EHD2: variants seen among roughly 807,000 people sequenced by gnomAD.
EHD2 encodes the protein EH domain containing 2.
In EHD2, 27 loss-of-function variants were observed where a neutral mutation model predicts 41.0. The observed-to-expected ratio is 0.66, with a 90% CI of 0.49 to 0.91. The LOEUF is 0.91. Ranked by LOEUF, EHD2 falls within the 40% of genes least tolerant of loss-of-function variation. The pLI is 0.00. For synonymous variants in EHD2, 342 were observed against 341.0 expected (o/e 1.00, Z -0.03); for missense variants, 673 against 773.9 (o/e 0.87, Z 1.55).
intron 4 of EHD2, among the ~76,000 whole-genome samples, chr19:47,727,220 T>C (rs1973762217): frequency 6.6e-6 from 1 of 152,144 alleles, no homozygotes; most frequent in South Asian, 2.1e-4. Flanking sequence ...TTCTCCTGCC[T>C]CAGCCTCCCG....
At chr19:47,725,767 C>A in intron 3 of EHD2, 45 bp from the exon 4 acceptor site, 1 of 1,539,564 alleles carries the variant, frequency 6.5e-7, no homozygotes, top group South Asian at 1.2e-5. Flanking sequence ...GGGTGGGGGT[C>A]TGATTTCTGC....
chr19:47,725,507 T>G (rs911586642), intron 3 of EHD2, among the ~76,000 whole-genome samples: 4 of 150,900 alleles, frequency 2.7e-5, no homozygotes, highest in African/African-American at 9.8e-5. Context: ...GAAGCAGAGG[T>G]TGCAGGGAGG....
rs528323508 is a variant in EHD2, at chr19:47,722,352, G to A, written c.503-3460G>A. 2.0e-5 allele frequency among the ~76,000 whole-genome samples: 3 copies of A among 152,186 alleles called. No individual in the cohort carries two copies. The East Asian group carries it at 5.8e-4, about 29-fold the overall frequency. On this transcript the variant is annotated intron_variant, in intron 3 of 5. Transcript: ENST00000263277. Reference sequence around the variant, plus strand: ...GTGGAGACACCGGGAGGGAGGGGGGGCTCCAGTTGCTGTCCCTCCAGTGAC... The same window carrying A: ...GTGGAGACACCGGGAGGGAGGGGGGACTCCAGTTGCTGTCCCTCCAGTGAC...
At chr19:47,718,010 C>T (rs1006535901) in intron 2 of EHD2, among the ~76,000 whole-genome samples, 3 of 150,980 alleles carry the variant, frequency 2.0e-5, no homozygotes, top group African/African-American at 4.9e-5. Context: ...CAGTGTCTCA[C>T]GCCTGTAATC....
chr19:47,727,526 G>A lies in EHD2; in HGVS notation c.915+1302G>A, dbSNP rs547657989. 4.6e-5 allele frequency among the ~76,000 whole-genome samples: 7 copies of A among 151,960 alleles called. No homozygotes were observed. In the East Asian group the frequency reaches 1.2e-3, roughly 25 times the overall value. On this transcript the variant is annotated intron_variant, in intron 4 of 5. Coordinates refer to ENST00000263277, the MANE Select transcript of EHD2 (RefSeq NM_014601.4). ...AATTAATTAATTTATTTATAAGCTA[G>A]TCAAATTTAGCAGTGGGGGTGGGGA...
At chr19:47,739,633 A>G (rs1033991992) in intron 5 of EHD2, among the ~76,000 whole-genome samples, 3 of 150,432 alleles carry the variant, frequency 2.0e-5, no homozygotes, top group African/African-American at 7.3e-5. Context: ...AAAAGAAAAG[A>G]AATAGGGTTT....
In EHD2 at chr19:47,726,099, G is replaced by A. The variant is rs1028472701; in HGVS notation, c.790G>A (p.Val264Met). The change falls in exon 4 of 6, where the codon GTG becomes ATG. Residue 264 changes from valine (V) to methionine (M), a missense_variant. By Grantham distance (21) the Val-to-Met change is conservative. Transcript: ENST00000263277. Reference protein sequence around the residue: ...IGSFWSQPLLVPDNRRLFELE... With the variant: ...IGSFWSQPLLMPDNRRLFELE... ...CTCCTTCTGGTCCCAGCCCCTCCTC[G>A]TGCCCGACAACCGGCGCCTCTTCGA... 2 of 1,574,370 alleles carry A rather than the reference G, an allele frequency of 1.3e-6. No homozygotes were observed. Among genetic ancestry groups the A allele is most frequent in the African/African-American group, 2.7e-5 (2 of 73,926 alleles).
At chr19:47,718,381 G>T in intron 2 of EHD2, 128 bp from the exon 3 acceptor site, 3 of 713,910 alleles carry the variant, frequency 4.2e-6, no homozygotes, top group Admixed American at 2.4e-5. Context: ...CCCTTTTTCT[G>T]TCCGGTGTCT....
intron 3 of EHD2, among the ~76,000 whole-genome samples, chr19:47,722,691 G>T (rs190692536): frequency 1.3e-5 from 2 of 151,542 alleles, no homozygotes; most frequent in Non-Finnish European, 2.9e-5. Context: ...TCAGCCTCCC[G>T]AATAGCTGGG....
intron 1 of EHD2, 71 bp from the exon 2 acceptor site, chr19:47,716,487 G>A: frequency 9.1e-7 from 1 of 1,098,330 alleles, no homozygotes; most frequent in South Asian, 1.8e-5. Flanking sequence ...CACCCAGACA[G>A]TCTACACTCA....
intron 5 of EHD2, among the ~76,000 whole-genome samples, chr19:47,740,518 C>T (rs1240034727): frequency 1.3e-5 from 2 of 150,794 alleles, no homozygotes; most frequent in Non-Finnish European, 3.0e-5. Flanking sequence ...GAGGCTGAGG[C>T]GGGCGAATCA....
chr19:47,732,679 C>T (rs1239056820), intron 4 of EHD2, among the ~76,000 whole-genome samples: 1 of 152,192 alleles, frequency 6.6e-6, no homozygotes, highest in Non-Finnish European at 1.5e-5. Context: ...CCTTGGCTTC[C>T]CAAAGTGCTG....
At chr19:47,717,089 C>T in intron 2 of EHD2, 73 bp downstream of exon 2, 1 of 1,579,944 alleles carries the variant, frequency 6.3e-7, no homozygotes, top group Non-Finnish European at 8.6e-7. Context: ...CTCTTTTCGC[C>T]CAGGCTGGAG....
rs778865251 is a variant in EHD2 at position 47,716,939 on chromosome 19, GC to G, written c.330del (p.Gly111AlafsTer55). On this transcript the variant is annotated frameshift_variant, in exon 2 of 6. Coordinates refer to ENST00000263277, the MANE Select transcript of EHD2 (RefSeq NM_014601.4). LOFTEE classifies it high-confidence loss of function. Reference protein sequence around the residue: ...VMHGDTEGTVPGNALVVDPDK... With the variant: ...VMHGDTEGTVXGNALVVDPDK... ...TGCACGGGGACACTGAGGGCACCGT[GC>G]CCGGCAACGCCCTCGTCGTGGACCC... The G allele has an allele frequency of 1.9e-5, 31 of 1,608,674 alleles. No individual in the cohort carries two copies. Among genetic ancestry groups the G allele is most frequent in the Non-Finnish European group, 2.6e-5 (31 of 1,179,956 alleles).
rs1221911304 is a variant in EHD2, at chr19:47,718,026, A to G, written c.405-483A>G. Among the ~76,000 whole-genome samples, 5 of 143,068 alleles carry G rather than the reference A, an allele frequency of 3.5e-5. No homozygotes were observed. The Admixed American group carries it at 3.5e-4, about 10-fold the overall frequency. 93.9% of individuals were successfully genotyped at this position (143,068 alleles called of 152,430 possible). A position where few individuals can be genotyped will look rare whatever the true frequency, so the allele number is the denominator to read the frequency against. On this transcript the variant is annotated intron_variant, in intron 2 of 5. Transcript: ENST00000263277. Reference sequence around the variant, plus strand: ...AGTGTCTCACGCCTGTAATCCCAGCACTTTGGGAGGCTGAGGCGGGCAGAT... The same window carrying G: ...AGTGTCTCACGCCTGTAATCCCAGCGCTTTGGGAGGCTGAGGCGGGCAGAT...
At position 47,719,185 on chromosome 19, in the gene EHD2, G is replaced by A. The variant is rs1279430819; in HGVS notation, c.502+579G>A. On this transcript the variant is annotated intron_variant, in intron 3 of 5. Coordinates refer to ENST00000263277, the MANE Select transcript of EHD2 (RefSeq NM_014601.4). The surrounding 1 kb of genome is among the most constrained non-coding windows in gnomAD (Gnocchi z 4.1). Reference sequence around the variant, plus strand: ...ACGTCTGGGCAGGCAGGAAGGATGGGAAGGGAGAGATGAAGAGGGACAGGG... The same window carrying A: ...ACGTCTGGGCAGGCAGGAAGGATGGAAAGGGAGAGATGAAGAGGGACAGGG... Among the ~76,000 whole-genome samples the A allele has an allele frequency of 6.6e-6, 1 of 152,156 alleles. No homozygotes were observed. The highest frequency in any genetic ancestry group is 1.5e-5 in the Non-Finnish European group (1 of 68,008).
intron 4 of EHD2, among the ~76,000 whole-genome samples, chr19:47,734,822 G>A (rs942302570): frequency 5.3e-5 from 8 of 152,162 alleles, no homozygotes; most frequent in Admixed American, 2.0e-4. Flanking sequence ...GGAGGCCGAG[G>A]CGGGTGGATC....
chr19:47,731,279 A>ATATATATATATATATGT (rs1555793891), intron 4 of EHD2: 10 of 60,926 alleles, frequency 1.6e-4, no homozygotes, highest in Non-Finnish European at 3.3e-4. Context: ...AAAAAAAAAA[A>ATATATATATATATATGT]ATATATATAT....
In EHD2 at chr19:47,736,998, G is replaced by C. The variant is rs192597986; in HGVS notation, c.1080+465G>C. 8.1e-3 allele frequency among the ~76,000 whole-genome samples: 1,227 copies of C among 152,072 alleles called. 16 individuals carry two copies. Among genetic ancestry groups the C allele is most frequent in the African/African-American group, 0.027 (1,130 of 41,516 alleles). ...TGTAATCCCAGCACTTTGGGAGGCCGAGGCGGGCGGATCACGAGGTCAGCA... is the reference window on the plus strand; with the variant it reads ...TGTAATCCCAGCACTTTGGGAGGCCCAGGCGGGCGGATCACGAGGTCAGCA... On this transcript the variant is annotated intron_variant, in intron 5 of 5. Coordinates refer to ENST00000263277, the MANE Select transcript of EHD2 (RefSeq NM_014601.4).
Sources: allele counts gnomAD v4.1 joint callset (sites outside exome capture counted in the v4.1 genomes callset), GRCh38; gene constraint gnomAD v4.1.1; non-coding constraint Gnocchi (gnomAD v3.1); transcripts MANE v1.5; gene names NCBI Gene and HGNC (gene_info 2026-07-23, HGNC 2026-07-21).